Variants in ASCC2 observed in about 807,000 individuals in gnomAD.
ASCC2 encodes the protein ASC-1 complex subunit P100.
In ASCC2, 42 loss-of-function variants were observed where a neutral mutation model predicts 93.5. The ratio of observed to expected loss-of-function variants is 0.45; its 90% CI spans 0.35 to 0.58. The LOEUF is 0.58. Ranked by LOEUF, ASCC2 falls within the 20% of genes least tolerant of loss-of-function variation. ASCC2 has a pLI of 0.00. For missense variants in ASCC2, 859 were observed against 977.6 expected, an observed-to-expected ratio of 0.88 and a Z score of 1.62; for synonymous variants, 364 against 384.2, an observed-to-expected ratio of 0.95 and a Z score of 0.62.
Position 29,806,219 on chromosome 22 carries a change from A to G in ASCC2, c.1157T>C (p.Val386Ala). 1 of 1,614,020 alleles carries G rather than the reference A, an allele frequency of 6.2e-7. No individual in the cohort carries two copies. Among genetic ancestry groups the G allele is most frequent in the Non-Finnish European group, 8.5e-7 (1 of 1,179,968 alleles). The change falls in exon 12 of 20, where the codon GTC becomes GCC. Residue 386 changes from valine (V) to alanine (A), a missense_variant. Transcript: ENST00000307790. ...GTGGGCTATGGTAGAAGGATACAAG[A>G]CTGATGAGGCCTGCTGCAGCAAGCT... ...DISLLQQASSVLDETRTAYIL... is the reference protein window; with the variant it reads ...DISLLQQASSALDETRTAYIL...
chr22:29,828,770 G>C (rs1395439199), intron 2 of ASCC2, among the ~76,000 whole-genome samples: 1 of 152,224 alleles, frequency 6.6e-6, no homozygotes, highest in Non-Finnish European at 1.5e-5. Flanking sequence ...ATGGATTGCA[G>C]AGAGGCACAA....
chr22:29,818,778 T>C (rs1363751687), intron 5 of ASCC2, among the ~76,000 whole-genome samples: 3 of 152,070 alleles, frequency 2.0e-5, no homozygotes, highest in Non-Finnish European at 4.4e-5. Context: ...TTACACCCAA[T>C]AGGTCCCATG....
At position 29,804,788 on chromosome 22, in the gene ASCC2, A is replaced by G. The variant is rs200904571; in HGVS notation, c.1203T>C (p.Ser401=). ...TCCGTCTGTCCACCCCTTCCCATGC[A>G]CTCTCGACTGCCTGGAGGATGTAGG... ...RTAYILQAVE[S]AWEGVDRRKA... The change falls in exon 13 of 20, where the codon AGT becomes AGC. Residue 401 remains serine (S), a synonymous_variant. Coordinates refer to ENST00000307790, the MANE Select transcript of ASCC2 (RefSeq NM_032204.5). The G allele has an allele frequency of 1.3e-5, 21 of 1,613,624 alleles. No individual in the cohort carries two copies. Among genetic ancestry groups the G allele is most frequent in the Middle Eastern group, 1.6e-4 (1 of 6,084 alleles).
intron 14 of ASCC2, among the ~76,000 whole-genome samples, chr22:29,801,728 C>T (rs1276190769): frequency 6.6e-6 from 1 of 152,186 alleles, no homozygotes; most frequent in Non-Finnish European, 1.5e-5. Context: ...TGTGTTACAT[C>T]CCTGAAGACA....
intron 12 of ASCC2, 83 bp downstream of exon 12, chr22:29,806,133 A>G: frequency 6.8e-7 from 1 of 1,467,098 alleles, no homozygotes; most frequent in Non-Finnish European, 9.5e-7. Flanking sequence ...ACCTCTTTCC[A>G]CTCCTCTGGG....
chr22:29,813,781 C>A (rs1438391333), intron 7 of ASCC2, among the ~76,000 whole-genome samples: 1 of 152,194 alleles, frequency 6.6e-6, no homozygotes, highest in Non-Finnish European at 1.5e-5. Context: ...TACACCCAAT[C>A]ACCGCTAGGG....
chr22:29,819,168 GT>G (rs373346929), intron 5 of ASCC2, among the ~76,000 whole-genome samples: 1 of 151,070 alleles, frequency 6.6e-6, no homozygotes, highest in Admixed American at 6.6e-5. Context: ...AACCCAATTT[GT>G]TTTTTTTTGA....
chr22:29,835,745 G>C (rs985135569), intron 1 of ASCC2, among the ~76,000 whole-genome samples: 1 of 152,124 alleles, frequency 6.6e-6, no homozygotes, highest in African/African-American at 2.4e-5. Context: ...TATTATTCAA[G>C]TCCCAACCAG....
At position 29,827,757 on chromosome 22, in the gene ASCC2, G is replaced by C. The variant is rs539427151; in HGVS notation, c.82-1977C>G. On this transcript the variant is annotated intron_variant, in intron 2 of 19. Transcript: ENST00000307790. ...CTCAGGCCAGGCTACTCATTCTCCC[G>C]ACACACACACACACACACACACACA... Among the ~76,000 whole-genome samples, 754 of 100,978 alleles carry C rather than the reference G, an allele frequency of 7.5e-3. 16 individuals carry two copies. Among genetic ancestry groups the C allele is most frequent in the African/African-American group, 0.028 (708 of 25,262 alleles). The allele number at this position is 100,978 out of a possible 152,430, so 66.2% of individuals were successfully genotyped here.
At chr22:29,796,886 A>G (rs1031231646) in intron 15 of ASCC2, among the ~76,000 whole-genome samples, 5 of 152,184 alleles carry the variant, frequency 3.3e-5, no homozygotes, top group African/African-American at 1.2e-4. Flanking sequence ...CTTCTGGTCC[A>G]TCCCATCCCT....
intron 15 of ASCC2, among the ~76,000 whole-genome samples, chr22:29,798,250 T>C (rs2058671587): frequency 6.6e-6 from 1 of 152,162 alleles, no homozygotes; most frequent in Non-Finnish European, 1.5e-5. Context: ...ACATTTTCTT[T>C]AGGTCTTTCT....
intron 1 of ASCC2, chr22:29,834,012 C>CT (rs779387446): frequency 6.0e-6 from 1 of 165,330 alleles, no homozygotes; most frequent in Non-Finnish European, 1.3e-5. Context: ...CGCCTGGCCT[C>CT]TAAGTGCTCT....
chr22:29,813,436 C>A lies in ASCC2; in HGVS notation c.827G>T (p.Cys276Phe). The change falls in exon 8 of 20, where the codon TGT becomes TTT. Residue 276 changes from cysteine (C) to phenylalanine (F), a missense_variant. Transcript: ENST00000307790. Reference protein sequence around the residue: ...ACQTFQKHDFCYRLASFYEAA... With the variant: ...ACQTFQKHDFFYRLASFYEAA... The stretch of plus-strand genomic sequence containing the variant: ...GCCAGAACTACCGCCTTACCTGTAA[C>A]AAAAGTCGTGCTTCTGGAAGGTCTG... 1 of 1,608,746 alleles carries A rather than the reference C, an allele frequency of 6.2e-7. No individual in the cohort carries two copies. Among genetic ancestry groups the A allele is most frequent in the Non-Finnish European group, 8.5e-7 (1 of 1,175,068 alleles).
At chr22:29,793,746 C>T in intron 15 of ASCC2, 70 bp from the exon 16 acceptor site, 1 of 1,421,314 alleles carries the variant, frequency 7.0e-7, no homozygotes, top group Non-Finnish European at 9.6e-7. Context: ...TACGGAGGGT[C>T]CAGAGACCAC....
intron 7 of ASCC2, 88 bp downstream of exon 7, chr22:29,814,569 A>G (rs1002875954): frequency 5.2e-5 from 59 of 1,137,308 alleles, no homozygotes; most frequent in Middle Eastern, 2.5e-4. Context: ...TGGGTCCTCT[A>G]CTGGGGCAAT....
At chr22:29,809,383 T>C (rs778187021) in intron 8 of ASCC2, among the ~76,000 whole-genome samples, 1 of 152,050 alleles carries the variant, frequency 6.6e-6, no homozygotes, top group Non-Finnish European at 1.5e-5. Context: ...TGAGACGAAG[T>C]CTAGTTATAT....
chr22:29,806,287 G>T lies in ASCC2; in HGVS notation c.1089C>A (p.Phe363Leu), dbSNP rs1203584728. Residue 363 changes from phenylalanine (F) to leucine (L), a missense_variant, in exon 12 of 20, where the codon TTC (phenylalanine) becomes TTA (leucine). By Grantham distance (22) the Phe-to-Leu change is conservative (BLOSUM62 0). Transcript: ENST00000307790. ...GGAAGAGTGCATCATAGTCCCGGAG[G>T]AACCTGCAGGCAGATGAGAGCAGAT... ...IFSSLLQEKR[F>L]LRDYDALFPV... The T allele has an allele frequency of 6.2e-7, 1 of 1,614,012 alleles. No individual in the cohort carries two copies. Among genetic ancestry groups the T allele is most frequent in the African/African-American group, 1.3e-5 (1 of 74,894 alleles).
At chr22:29,798,478 C>G (rs1233829361) in intron 15 of ASCC2, among the ~76,000 whole-genome samples, 1 of 152,132 alleles carries the variant, frequency 6.6e-6, no homozygotes, top group Admixed American at 6.5e-5. Context: ...GTAGCCTGAC[C>G]ACGAAGTGAG....
At chr22:29,836,892 T>C (rs1474794022) in intron 1 of ASCC2, among the ~76,000 whole-genome samples, 1 of 152,212 alleles carries the variant, frequency 6.6e-6, no homozygotes, top group Non-Finnish European at 1.5e-5. Context: ...CAGGCACTGA[T>C]GCCCAGAGAA....
Sources: gnomAD v4.1 joint callset for allele counts (sites outside exome capture counted in the v4.1 genomes callset) on GRCh38, gnomAD v4.1.1 for gene constraint, MANE v1.5 for transcripts, NCBI Gene and HGNC (gene_info 2026-07-23, HGNC 2026-07-21) for gene names.